The following LARS1 variants were observed in gnomAD, a reference collection of about 807,000 sequenced individuals.
LARS1 encodes leucyl-tRNA synthetase 1.
Under a neutral mutation model 162.8 loss-of-function variants are expected in LARS1, and 100 were observed. That is an observed-to-expected ratio of 0.61 (90% CI 0.52 to 0.73). The LOEUF (loss-of-function observed/expected upper bound fraction) is 0.73, where lower values mean the gene tolerates loss of function less well. Ranked by LOEUF, LARS1 falls within the 30% of genes least tolerant of loss-of-function variation. The pLI is 0.00. For missense variants in LARS1, 1,258 were observed against 1,408.9 expected, an observed-to-expected ratio of 0.89 and a Z score of 1.71; for synonymous variants, 457 against 462.8, an observed-to-expected ratio of 0.99 and a Z score of 0.16.
At chr5:146,125,778 T>A (rs1057078902) in intron 28 of LARS1, among the ~76,000 whole-genome samples, 1 of 151,988 alleles carries the variant, frequency 6.6e-6, no homozygotes, top group African/African-American at 2.4e-5. Context: ...AATCCAGTAA[T>A]ACATCAGCGA....
At chr5:146,147,025 G>C (rs1282256327) in intron 15 of LARS1, among the ~76,000 whole-genome samples, 1 of 151,958 alleles carries the variant, frequency 6.6e-6, no homozygotes, top group Non-Finnish European at 1.5e-5. Flanking sequence ...TAGACCTTTT[G>C]AGCTAGAGAT....
rs564508327 is a variant in LARS1, at chr5:146,118,837, C to T, written c.3325+1534G>A. Among the ~76,000 whole-genome samples the T allele has an allele frequency of 5.3e-5, 8 of 152,264 alleles. No homozygotes were observed. In the South Asian group the frequency reaches 1.7e-3, roughly 32 times the overall value. ...GTATTCAAGCCTCCTGAACTGTACA[C>T]ATAAAAATGACTAAAATAGTAAATG... is the stretch of plus-strand genomic sequence containing the variant. On this transcript the variant is annotated intron_variant, in intron 31 of 31. Transcript: ENST00000394434.
chr5:146,130,232 C>A, intron 24 of LARS1, 74 bp from the exon 25 acceptor site: 1 of 1,437,396 alleles, frequency 7.0e-7, no homozygotes, highest in East Asian at 2.3e-5. Flanking sequence ...ATTGCAGTAT[C>A]TTGGTTTTAA....
intron 10 of LARS1, 69 bp from the exon 11 acceptor site, chr5:146,154,049 T>C: frequency 9.0e-7 from 1 of 1,104,976 alleles, no homozygotes. Context: ...AAAACTATGT[T>C]AATATTTTAA....
In LARS1 at chr5:146,177,708, G is replaced by A. The variant is rs755014546; in HGVS notation, c.7-43C>T. 90 of 1,047,088 alleles carry A rather than the reference G, an allele frequency of 8.6e-5. No individual in the cohort carries two copies. The Admixed American group carries it at 1.2e-3, about 13-fold the overall frequency. The allele number at this position is 1,047,088 out of a possible 1,614,324, so 64.9% of individuals were successfully genotyped here. A position where few individuals can be genotyped will look rare whatever the true frequency, so the allele number is the denominator to read the frequency against. ...AATAATCCACTCTGTATTTCAGCAC[G>A]CTTGCTTTAAAAAAGAATTGGGTTC... On this transcript the variant is annotated intron_variant, in intron 1 of 31. Transcript: ENST00000394434.
At chr5:146,148,932 A>G (rs1235334089) in intron 15 of LARS1, among the ~76,000 whole-genome samples, 1 of 151,890 alleles carries the variant, frequency 6.6e-6, no homozygotes, top group Non-Finnish European at 1.5e-5. Context: ...AAAATTAGCC[A>G]GGCATGGTGG....
At chr5:146,178,747 C>T (rs1210453031) in intron 1 of LARS1, among the ~76,000 whole-genome samples, 8 of 152,150 alleles carry the variant, frequency 5.3e-5, no homozygotes, top group African/African-American at 1.9e-4. Flanking sequence ...CTACTAACCA[C>T]CTTCATTTAG....
chr5:146,158,775 T>C (rs185251908), intron 8 of LARS1, among the ~76,000 whole-genome samples: 10 of 152,272 alleles, frequency 6.6e-5, no homozygotes, highest in African/African-American at 2.4e-4. Flanking sequence ...TTAGCATGCA[T>C]ATACATCACA....
intron 5 of LARS1, among the ~76,000 whole-genome samples, chr5:146,165,370 A>G (rs1753960077): frequency 6.6e-6 from 1 of 151,858 alleles, no homozygotes. Context: ...AATAATAACA[A>G]TAATACAAAA....
chr5:146,128,439 A>G (rs1454319223), intron 27 of LARS1, among the ~76,000 whole-genome samples: 2 of 152,160 alleles, frequency 1.3e-5, no homozygotes. Flanking sequence ...ACATTCAACT[A>G]GATCCAATGT....
chr5:146,145,061 G>T (rs1752953722), intron 15 of LARS1, among the ~76,000 whole-genome samples: 1 of 151,850 alleles, frequency 6.6e-6, no homozygotes, highest in Admixed American at 6.6e-5. Flanking sequence ...AGTTTTTTGG[G>T]GTTTTATGTT....
At chr5:146,114,341 A>T (rs575695613) in intron 31 of LARS1, 30 bp from the exon 32 acceptor site, 14 of 1,563,268 alleles carry the variant, frequency 9.0e-6, no homozygotes, top group South Asian at 1.1e-5. Context: ...CAATATAAGC[A>T]TTTAATTACA....
At chr5:146,172,105 A>C (rs1754309525) in intron 3 of LARS1, 115 bp from the exon 4 acceptor site, 1 of 917,244 alleles carries the variant, frequency 1.1e-6, no homozygotes, top group East Asian at 2.6e-5. Context: ...TTGGAATGCC[A>C]GTTAGATTTT....
chr5:146,153,690 G>T, intron 12 of LARS1, 44 bp downstream of exon 12: 1 of 1,492,140 alleles, frequency 6.7e-7, no homozygotes, highest in South Asian at 1.1e-5. Flanking sequence ...CCTAAGCAAT[G>T]AGATGGTGAG....
rs1257640211 is a variant in LARS1, at chr5:146,113,798, G to A, written c.*308C>T. On this transcript the variant is annotated 3_prime_UTR_variant, in exon 32 of 32. Transcript: ENST00000394434. ...AAAGTATAAAGTACACCTCATAAAA[G>A]AAGCATACTGACACTTTTATGTTCA... 3.2e-6 allele frequency: 1 copy of A among 310,706 alleles called. No individual in the cohort carries two copies. The highest frequency in any genetic ancestry group is 2.1e-5 in the African/African-American group (1 of 47,142). The allele number at this position is 310,706 out of a possible 1,614,324, so 19.2% of individuals were successfully genotyped here.
Position 146,120,433 on chromosome 5 carries a change from C to T in LARS1, c.3263G>A (p.Arg1088Lys), listed in dbSNP as rs10988. The part of the protein sequence containing the change: ...NGHFSTKIEI[R>K]QGDNCDSIIR... ...TATGGAATCACAGTTATCTCCTTGC[C>T]TGATTTCAATTTTGGTTGAGAAGTG... Residue 1088 changes from arginine to lysine, a missense_variant, in exon 31 of 32, where the codon AGG becomes AAG. Arg to Lys is a conservative substitution (Grantham distance 26, BLOSUM62 2). Coordinates refer to ENST00000394434, the MANE Select transcript of LARS1 (RefSeq NM_020117.11). 0.27 allele frequency: 443,064 copies of T among 1,612,416 alleles called. 64,821 individuals are homozygous for T. Among genetic ancestry groups the T allele is most frequent in the Admixed American group, 0.42 (24,911 of 59,806 alleles).
In LARS1 at chr5:146,177,711, T is replaced by A. The variant is rs780820710; in HGVS notation, c.7-46A>T. On this transcript the variant is annotated intron_variant, in intron 1 of 31. Transcript: ENST00000394434. ...AATCCACTCTGTATTTCAGCACGCT[T>A]GCTTTAAAAAAGAATTGGGTTCACA... 6.8e-6 allele frequency: 7 copies of A among 1,028,364 alleles called. No homozygotes were observed. The Admixed American group carries it at 1.4e-4, about 21-fold the overall frequency. The allele number at this position is 1,028,364 out of a possible 1,614,324, so 63.7% of individuals were successfully genotyped here. A position where few individuals can be genotyped will look rare whatever the true frequency, so the allele number is the denominator to read the frequency against.
intron 1 of LARS1, among the ~76,000 whole-genome samples, chr5:146,180,388 G>C (rs1169095584): frequency 1.3e-5 from 2 of 152,058 alleles, no homozygotes; most frequent in Non-Finnish European, 1.5e-5. Flanking sequence ...ACAAAAATTA[G>C]CAGCGCATGG....
Position 146,144,687 on chromosome 5 carries a change from T to C in LARS1, c.1526A>G (p.Glu509Gly), listed in dbSNP as rs1022502400. Residue 509 changes from glutamate to glycine, a missense_variant, in exon 16 of 32, where the codon GAA becomes GGA. Glu to Gly is a moderately conservative substitution (Grantham distance 98). Coordinates refer to ENST00000394434, the MANE Select transcript of LARS1 (RefSeq NM_020117.11). ...IDAGDALIYM[E>G]PEKQVMSRSS... The stretch of plus-strand genomic sequence containing the variant: ...CCTGGACATCACTTGTTTCTCTGGT[T>C]CCATGTAAATAAGTGCATCTCCCTA... 4 of 1,614,024 alleles carry C rather than the reference T, an allele frequency of 2.5e-6. No individual in the cohort carries two copies. The highest frequency in any genetic ancestry group is 3.4e-6 in the Non-Finnish European group (4 of 1,179,976).
Sources: allele counts gnomAD v4.1 joint callset (sites outside exome capture counted in the v4.1 genomes callset), GRCh38; gene constraint gnomAD v4.1.1; transcripts MANE v1.5; gene names NCBI Gene and HGNC (gene_info 2026-07-23, HGNC 2026-07-21).